CFAP46: variants seen among roughly 807,000 people sequenced by gnomAD.
CFAP46 encodes the protein cilia- and flagella-associated protein 46.
CFAP46 carries 245 observed loss-of-function variants against 325.7 expected under a neutral mutation model. That is an observed-to-expected ratio of 0.75 (90% confidence interval 0.68 to 0.84). CFAP46 has a LOEUF of 0.84. Among genes scored for constraint, CFAP46 ranks in the 40% least tolerant of loss-of-function variants. CFAP46 has a pLI of 0.00. For synonymous variants in CFAP46, 1,523 were observed against 1,495.9 expected (o/e 1.02, Z -0.42); for missense variants, 3,346 against 3,543.0 (o/e 0.94, Z 1.41).
Position 132,864,251 on chromosome 10 carries a change from T to C in CFAP46, c.4890+1774A>G, listed in dbSNP as rs568507006. Among the ~76,000 whole-genome samples the C allele has an allele frequency of 1.5e-3, 164 of 106,712 alleles. 1 individual carries two copies. Among genetic ancestry groups the C allele is most frequent in the African/African-American group, 6.0e-3 (155 of 25,888 alleles). 70.0% of individuals were successfully genotyped at this position (106,712 alleles called of 152,430 possible). A position where few individuals can be genotyped will look rare whatever the true frequency, so the allele number is the denominator to read the frequency against. ...TCCCCCTGACACCTGCACACACCCGTCCCCAGTGTCTGAGACCTGCACACA... is the reference window on the plus strand; with the variant it reads ...TCCCCCTGACACCTGCACACACCCGCCCCCAGTGTCTGAGACCTGCACACA... On this transcript the variant is annotated intron_variant, in intron 35 of 57. Coordinates refer to ENST00000368586, the MANE Select transcript of CFAP46 (RefSeq NM_001200049.3).
At position 132,876,478 on chromosome 10, in the gene CFAP46, C is replaced by T. The variant is rs1185466697; in HGVS notation, c.4362+334G>A. ...CGACACCTGGATTTGAGCCCAGGGACACTGATTTTCGGCTTCCGGCCTCCA... is the reference window on the plus strand; with the variant it reads ...CGACACCTGGATTTGAGCCCAGGGATACTGATTTTCGGCTTCCGGCCTCCA... On this transcript the variant is annotated intron_variant, in intron 31 of 57. Transcript: ENST00000368586. The surrounding 1 kb of genome is among the most constrained non-coding windows in gnomAD (Gnocchi z 4.1). 1.3e-5 allele frequency among the ~76,000 whole-genome samples: 2 copies of T among 152,228 alleles called. No individual in the cohort carries two copies. The highest frequency in any genetic ancestry group is 2.4e-5 in the African/African-American group (1 of 41,460).
intron 50 of CFAP46, among the ~76,000 whole-genome samples, chr10:132,823,026 CTGTGTGT>C (rs977276157): frequency 2.8e-5 from 3 of 107,562 alleles, no homozygotes; most frequent in African/African-American, 7.5e-5. Flanking sequence ...GTGCTGTGTG[CTGTGTGT>C]GCGCTGATGT....
intron 17 of CFAP46, among the ~76,000 whole-genome samples, chr10:132,913,837 C>G (rs1233550498): frequency 6.6e-6 from 1 of 151,996 alleles, no homozygotes; most frequent in Non-Finnish European, 1.5e-5. Flanking sequence ...ACCCCTCCAC[C>G]CAGCCCCCCG....
intron 16 of CFAP46, among the ~76,000 whole-genome samples, chr10:132,917,575 G>A (rs11597534): frequency 0.41 from 62,867 of 152,122 alleles, 13,830 homozygotes; most frequent in East Asian, 0.59. Context: ...TCTCCCCACC[G>A]AGTGGCGGTT....
chr10:132,902,469 A>G (rs1265334569), intron 22 of CFAP46, among the ~76,000 whole-genome samples: 2 of 152,196 alleles, frequency 1.3e-5, no homozygotes, highest in African/African-American at 2.4e-5. Context: ...TTTCATTTCT[A>G]GGAATTCCAT....
At chr10:132,892,260 C>G in intron 25 of CFAP46, 73 bp downstream of exon 25, 1 of 1,381,520 alleles carries the variant, frequency 7.2e-7, no homozygotes, top group African/African-American at 1.4e-5. Context: ...AAAAGCACCA[C>G]GTTTAAAATT....
intron 39 of CFAP46, 152 bp from the exon 40 acceptor site, chr10:132,851,457 T>C (rs1848543677): frequency 8.3e-6 from 6 of 721,370 alleles, no homozygotes; most frequent in African/African-American, 1.8e-5. Context: ...TGATCACGAA[T>C]ACACCCGTGA....
rs1184352375 is a variant in CFAP46, at chr10:132,808,954, C to T, written c.7665-50G>A. The T allele has an allele frequency of 4.6e-6, 7 of 1,510,168 alleles. No homozygotes were observed. The African/African-American group carries it at 6.9e-5, about 15-fold the overall frequency. 93.5% of individuals were successfully genotyped at this position (1,510,168 alleles called of 1,614,324 possible). A position where few individuals can be genotyped will look rare whatever the true frequency, so the allele number is the denominator to read the frequency against. On this transcript the variant is annotated intron_variant, in intron 57 of 57. Transcript: ENST00000368586. This position sits in a 1 kb window ranked among gnomAD's most constrained non-coding sequence, Gnocchi z 6.8. Reference sequence around the variant, plus strand: ...TGAACCCCGAGGCCCCGCAGGACGTCCAGCCCGGTGAGGACCAGGGCACAG... The same window carrying T: ...TGAACCCCGAGGCCCCGCAGGACGTTCAGCCCGGTGAGGACCAGGGCACAG...
chr10:132,920,331 C>T (rs999266829), intron 13 of CFAP46, 149 bp from the exon 14 acceptor site: 20 of 1,036,304 alleles, frequency 1.9e-5, no homozygotes, highest in African/African-American at 4.9e-5. Context: ...TCCCAGAAGC[C>T]GAGCTCCTCA....
At chr10:132,909,419 T>G (rs571272962) in intron 20 of CFAP46, among the ~76,000 whole-genome samples, 175 bp from the exon 21 acceptor site, 1 of 152,228 alleles carries the variant, frequency 6.6e-6, no homozygotes, top group Non-Finnish European at 1.5e-5. Flanking sequence ...CATCTTCTCA[T>G]ACAACGAGGA....
chr10:132,808,530 C>T lies in CFAP46; in HGVS notation c.8039G>A (p.Ser2680Asn). 1.2e-6 allele frequency: 2 copies of T among 1,613,106 alleles called. No homozygotes were observed. Among genetic ancestry groups the T allele is most frequent in the Non-Finnish European group, 1.7e-6 (2 of 1,179,998 alleles). The stretch of plus-strand genomic sequence containing the variant: ...GTCCTGGCCCCGGGAAGAGACGCAG[C>T]TCCAGCCCCGACGCAGACCCCATGG... ...CAPWGLRRGW[S>N]CVSSRGQDKG... Residue 2680 changes from serine to asparagine, a missense_variant, in exon 58 of 58, where the codon AGC (serine) becomes AAC (asparagine). Transcript: ENST00000368586. The surrounding 1 kb of genome is among the most constrained non-coding windows in gnomAD (Gnocchi z 6.8).
At position 132,835,385 on chromosome 10, in the gene CFAP46, G is replaced by A. The variant is rs752468874; in HGVS notation, c.6663C>T (p.His2221=). The A allele has an allele frequency of 3.1e-6, 5 of 1,613,742 alleles. No homozygotes were observed. The highest frequency in any genetic ancestry group is 2.2e-5 in the South Asian group (2 of 91,090). The change falls in exon 47 of 58, where the codon CAC becomes CAT. Residue 2221 remains histidine, a synonymous_variant. Transcript: ENST00000368586. ...GGAACTGCTGGGCACAGGCCAGCAG[G>A]TGGGAGAAGGCAGTGGGACTTATGG... The part of the protein sequence containing the change: ...RLAISPTAFS[H]LLACAQQFRK...
At chr10:132,908,116 G>A (rs893362743) in intron 22 of CFAP46, among the ~76,000 whole-genome samples, 8 of 152,248 alleles carry the variant, frequency 5.3e-5, no homozygotes, top group African/African-American at 9.6e-5. Context: ...AGCTTTCCAC[G>A]GGGCCACTGC....
chr10:132,836,975 G>C (rs1191115224), intron 44 of CFAP46, 61 bp from the exon 45 acceptor site: 2 of 1,278,536 alleles, frequency 1.6e-6, no homozygotes, highest in East Asian at 4.6e-5. Flanking sequence ...TCGCTGTGCT[G>C]TTCCCCTCAT....
intron 50 of CFAP46, among the ~76,000 whole-genome samples, chr10:132,826,481 G>C (rs1242697461): frequency 7.8e-6 from 1 of 127,892 alleles, no homozygotes; most frequent in African/African-American, 2.9e-5. Context: ...CTGCCACAGA[G>C]CCAGGCAGGA....
At chr10:132,821,418 A>T (rs1487962446) in intron 50 of CFAP46, among the ~76,000 whole-genome samples, 64 of 63,966 alleles carry the variant, frequency 1.0e-3, no homozygotes, top group African/African-American at 2.7e-3. Context: ...GTGCTGTGTG[A>T]GCGCTGATGT....
At chr10:132,937,360 A>C (rs1850024471) in intron 6 of CFAP46, 192 bp downstream of exon 6, 1 of 626,770 alleles carries the variant, frequency 1.6e-6, no homozygotes, top group Non-Finnish European at 2.6e-6. Context: ...TCTAAATGTC[A>C]CAGTTCTATA....
At chr10:132,858,421 G>C (rs1265024164) in intron 38 of CFAP46, among the ~76,000 whole-genome samples, 23 of 150,264 alleles carry the variant, frequency 1.5e-4, no homozygotes, top group Admixed American at 3.3e-4. Context: ...GGCGGTGGGC[G>C]GGGCCAGGGA....
chr10:132,840,893 C>T (rs151146183), intron 44 of CFAP46, among the ~76,000 whole-genome samples: 159 of 152,274 alleles, frequency 1.0e-3, no homozygotes, highest in African/African-American at 3.2e-3. Flanking sequence ...AGGGCCTTCT[C>T]GCAGGTGGGG....
Sources: allele counts gnomAD v4.1 joint callset (sites outside exome capture counted in the v4.1 genomes callset), GRCh38; gene constraint gnomAD v4.1.1; non-coding constraint Gnocchi (gnomAD v3.1); transcripts MANE v1.5; gene names NCBI Gene and HGNC (gene_info 2026-07-23, HGNC 2026-07-21).